The following NEO1 variants were observed in gnomAD, a reference collection of about 807,000 sequenced individuals.
NEO1 encodes neogenin 1.
Under a neutral mutation model 159.7 loss-of-function variants are expected in NEO1, and 63 were observed. The ratio of observed to expected loss-of-function variants is 0.39; its 90% CI spans 0.32 to 0.49. The LOEUF (loss-of-function observed/expected upper bound fraction) is 0.49, where lower values mean the gene tolerates loss of function less well. NEO1 is among the 20% of genes least tolerant of loss of function. The pLI is 0.85. For missense variants in NEO1, 1,615 were observed against 1,831.0 expected, an observed-to-expected ratio of 0.88 and a Z score of 2.15; for synonymous variants, 633 against 662.0, an observed-to-expected ratio of 0.96 and a Z score of 0.67.
chr15:73,208,448 C>CA (rs2152078093), intron 7 of NEO1, among the ~76,000 whole-genome samples: 1 of 152,296 alleles, frequency 6.6e-6, no homozygotes, highest in African/African-American at 2.4e-5. Flanking sequence ...CAAGACATCC[C>CA]ATTCTAGTGT....
chr15:73,159,482 A>G (rs143231890), intron 5 of NEO1, among the ~76,000 whole-genome samples: 63 of 152,262 alleles, frequency 4.1e-4, no homozygotes, highest in Non-Finnish European at 7.8e-4. Context: ...AAGTCTTCCT[A>G]TACTGAGACA....
chr15:73,154,259 G>A (rs1176479143), intron 5 of NEO1, among the ~76,000 whole-genome samples: 5 of 152,032 alleles, frequency 3.3e-5, no homozygotes, highest in Non-Finnish European at 5.9e-5. Context: ...TCGGGTACAT[G>A]AGATATTTTG....
chr15:73,292,011 T>C (rs181716731), intron 25 of NEO1, among the ~76,000 whole-genome samples: 233 of 152,228 alleles, frequency 1.5e-3, no homozygotes, highest in African/African-American at 5.3e-3. Context: ...AGAGCCCTCC[T>C]CAGACAGCTT....
At chr15:73,184,129 C>CT (rs1275089247) in intron 7 of NEO1, among the ~76,000 whole-genome samples, 1 of 151,956 alleles carries the variant, frequency 6.6e-6, no homozygotes, top group Non-Finnish European at 1.5e-5. Flanking sequence ...AAATTTCATT[C>CT]TTTATATACC....
rs561341719 is a variant in NEO1 at position 73,116,694 on chromosome 15, A to C, written c.285A>C (p.Leu95Phe). The change falls in exon 2 of 29, where the codon TTA becomes TTC. Residue 95 changes from leucine (L) to phenylalanine (F), a missense_variant. Physicochemically the swap from Leu to Phe is conservative, Grantham distance 22. Around this residue, in one of 3 missense-constraint regions of NEO1, gnomAD observed 1,018 missense variants for 1,115.4 expected, o/e 0.91. Coordinates refer to ENST00000261908, the MANE Select transcript of NEO1 (RefSeq NM_002499.4). ...EWKKDGTFLNLVSDDRRQLLP... is the reference protein window; with the variant it reads ...EWKKDGTFLNFVSDDRRQLLP... The stretch of plus-strand genomic sequence containing the variant: ...AAAAAGATGGAACTTTTTTAAACTT[A>C]GTATCAGATGATCGACGCCAGCTTC... The C allele has an allele frequency of 6.2e-7, 1 of 1,614,006 alleles. No individual in the cohort carries two copies. Among genetic ancestry groups the C allele is most frequent in the East Asian group, 2.2e-5 (1 of 44,864 alleles).
chr15:73,129,855 C>T (rs2030852891), intron 4 of NEO1, among the ~76,000 whole-genome samples: 1 of 152,068 alleles, frequency 6.6e-6, no homozygotes, highest in South Asian at 2.1e-4. Flanking sequence ...ATATTTTTCC[C>T]TATTCCTTTT....
chr15:73,282,843 T>G, intron 22 of NEO1, 121 bp from the exon 23 acceptor site: 3 of 1,206,156 alleles, frequency 2.5e-6, no homozygotes, highest in Non-Finnish European at 3.5e-6. Flanking sequence ...CACTTTTATA[T>G]AAGTCAGAGC....
At chr15:73,086,446 T>C (rs1446626183) in intron 1 of NEO1, among the ~76,000 whole-genome samples, 1 of 152,200 alleles carries the variant, frequency 6.6e-6, no homozygotes, top group Non-Finnish European at 1.5e-5. Flanking sequence ...TCAGTTTATC[T>C]TTATGAAAAT....
chr15:73,233,204 G>A (rs892087290), intron 7 of NEO1, among the ~76,000 whole-genome samples: 12 of 152,150 alleles, frequency 7.9e-5, no homozygotes, highest in African/African-American at 2.9e-4. Flanking sequence ...AGCAGCAATA[G>A]AATCAACCTG....
intron 7 of NEO1, among the ~76,000 whole-genome samples, chr15:73,183,053 C>T (rs148238055): frequency 1.6e-3 from 246 of 152,240 alleles, no homozygotes; most frequent in African/African-American, 5.7e-3. Context: ...GTCTGGGGGC[C>T]TCAGACAGAA....
Position 73,116,637 on chromosome 15 carries a change from A to G in NEO1, c.228A>G (p.Ala76=), listed in dbSNP as rs146453323. The change falls in exon 2 of 29, where the codon GCA becomes GCG. Residue 76 remains alanine (A), a synonymous_variant. Transcript: ENST00000261908. ...RGSSVILNCS[A]YSEPSPKIEW... ...CTTCTGTTATATTAAACTGTTCAGC[A>G]TATTCTGAGCCTTCTCCAAAAATTG... 1.4e-4 allele frequency: 222 copies of G among 1,613,856 alleles called. No individual in the cohort carries two copies. Among genetic ancestry groups the G allele is most frequent in the Non-Finnish European group, 8.1e-5 (96 of 1,179,936 alleles).
intron 5 of NEO1, among the ~76,000 whole-genome samples, chr15:73,136,900 C>T (rs2031823308): frequency 6.6e-6 from 1 of 152,072 alleles, no homozygotes; most frequent in Non-Finnish European, 1.5e-5. Context: ...AAGACTGCTC[C>T]CAGTGCTGTT....
chr15:73,289,234 C>T lies in NEO1; in HGVS notation c.3738C>T (p.Pro1246=). The T allele has an allele frequency of 1.2e-6, 2 of 1,613,860 alleles. No individual in the cohort carries two copies. Among genetic ancestry groups the T allele is most frequent in the Non-Finnish European group, 1.7e-6 (2 of 1,179,796 alleles). ...KMMMPFDSQP[P]QPVISAHPIH... is the part of the protein sequence containing the mutation. ...TGATGCCCTTTGACTCCCAGCCACC[C>T]CAGCGTAAGTAGAAGCATCTCTTTT... The change falls in exon 25 of 29, where the codon CCC becomes CCT. Residue 1246 remains proline (P), a synonymous_variant. Coordinates refer to ENST00000261908, the MANE Select transcript of NEO1 (RefSeq NM_002499.4).
rs750935951 is a variant in NEO1, at chr15:73,236,457, G to A, written c.1402G>A (p.Gly468Arg). ...TWRTPASDPHGDNLTYSVFYT... is the reference protein window; with the variant it reads ...TWRTPASDPHRDNLTYSVFYT... ...GCGGACACCTGCATCAGATCCTCAC[G>A]GAGACAACCTTACCTACTCTGTGTT... Residue 468 changes from glycine to arginine, a missense_variant, in exon 8 of 29, where the codon GGA (glycine) becomes AGA (arginine). This residue lies in a region of NEO1 where 1,018 missense variants were observed against 1,115.4 expected (regional missense o/e 0.91). Coordinates refer to ENST00000261908, the MANE Select transcript of NEO1 (RefSeq NM_002499.4). 12 of 1,614,054 alleles carry A rather than the reference G, an allele frequency of 7.4e-6. No homozygotes were observed. The highest frequency in any genetic ancestry group is 1.1e-5 in the South Asian group (1 of 91,074).
chr15:73,090,649 T>G (rs1305167024), intron 1 of NEO1, among the ~76,000 whole-genome samples: 1 of 152,226 alleles, frequency 6.6e-6, no homozygotes, highest in African/African-American at 2.4e-5. Flanking sequence ...ATAAGTATTA[T>G]ACTCTGTCCT....
chr15:73,295,146 A>AT (rs1277362385), intron 26 of NEO1, among the ~76,000 whole-genome samples: 11,615 of 139,022 alleles, frequency 0.084, 929 homozygotes, highest in African/African-American at 0.16. Context: ...ATATATATGT[A>AT]AAAATTTGGC....
At chr15:73,236,258 C>A in intron 7 of NEO1, 89 bp from the exon 8 acceptor site, 1 of 1,588,856 alleles carries the variant, frequency 6.3e-7, no homozygotes, top group Non-Finnish European at 8.6e-7. Context: ...GTTTGCCCTT[C>A]ATATTCCCCA....
chr15:73,098,206 T>C (rs1416269731), intron 1 of NEO1, among the ~76,000 whole-genome samples: 1 of 152,180 alleles, frequency 6.6e-6, no homozygotes, highest in Non-Finnish European at 1.5e-5. Flanking sequence ...CTACTATGTA[T>C]AGTTTGGTTA....
rs1473015195 is a variant in NEO1, at chr15:73,236,449, A to G, written c.1394A>G (p.Asp465Gly). 6.2e-7 allele frequency: 1 copy of G among 1,614,116 alleles called. No homozygotes were observed. Among genetic ancestry groups the G allele is most frequent in the Non-Finnish European group, 8.5e-7 (1 of 1,180,012 alleles). The change falls in exon 8 of 29, where the codon GAT becomes GGT. Residue 465 changes from aspartate to glycine, a missense_variant. This residue lies in a region of NEO1 where 1,018 missense variants were observed against 1,115.4 expected (regional missense o/e 0.91). Coordinates refer to ENST00000261908, the MANE Select transcript of NEO1 (RefSeq NM_002499.4). The stretch of plus-strand genomic sequence containing the variant: ...TTGACGTGGCGGACACCTGCATCAG[A>G]TCCTCACGGAGACAACCTTACCTAC... ...IKLTWRTPAS[D>G]PHGDNLTYSV...
Sources: allele counts gnomAD v4.1 joint callset (sites outside exome capture counted in the v4.1 genomes callset), GRCh38; gene constraint gnomAD v4.1.1; regional missense constraint gnomAD v4.1.1; transcripts MANE v1.5; gene names NCBI Gene and HGNC (gene_info 2026-07-23, HGNC 2026-07-21).